Variants in SMYD3 observed in about 807,000 individuals in gnomAD.
SMYD3 encodes the protein SET and MYND domain containing 3.
A neutral mutation model predicts 57.7 loss-of-function variants in SMYD3; 36 were observed. That is an observed-to-expected ratio of 0.62 (90% CI 0.48 to 0.82). SMYD3 has a LOEUF of 0.82. Ranked by LOEUF, SMYD3 falls within the 40% of genes least tolerant of loss-of-function variation. The pLI is 0.00. For synonymous variants in SMYD3, 211 were observed against 195.0 expected (o/e 1.08, Z -0.68); for missense variants, 515 against 538.8 (o/e 0.96, Z 0.44).
chr1:246,231,594 C>A (rs1034794396), intron 5 of SMYD3, among the ~76,000 whole-genome samples: 1 of 152,134 alleles, frequency 6.6e-6, no homozygotes, highest in Non-Finnish European at 1.5e-5. Context: ...CTTTAAACTG[C>A]AAGGGAAATA....
At chr1:246,282,874 T>C (rs1160574969) in intron 5 of SMYD3, among the ~76,000 whole-genome samples, 1 of 152,214 alleles carries the variant, frequency 6.6e-6, no homozygotes, top group African/African-American at 2.4e-5. Flanking sequence ...TTGTTAATTA[T>C]CTAAAGTAAA....
At position 245,971,446 on chromosome 1, in the gene SMYD3, TAA is replaced by T. The variant is rs10714765; in HGVS notation, c.532-41511_532-41510del. 1.1e-3 allele frequency among the ~76,000 whole-genome samples: 161 copies of T among 151,894 alleles called. 1 individual carries two copies. Among genetic ancestry groups the T allele is most frequent in the African/African-American group, 3.7e-3 (152 of 41,396 alleles). ...CATATCCCAGAACTTAAAGTATAAT[TAA>T]AAAAAAAAATCAATGTGTCATTTGA... On this transcript the variant is annotated intron_variant, in intron 5 of 11. Transcript: ENST00000490107.
chr1:245,767,585 T>G (rs1374166316), intron 10 of SMYD3, among the ~76,000 whole-genome samples: 1 of 152,018 alleles, frequency 6.6e-6, no homozygotes, highest in African/African-American at 2.4e-5. Context: ...GTGTTTCCAC[T>G]GGAGATGATG....
At chr1:246,319,434 C>T (rs1359692745) in intron 5 of SMYD3, among the ~76,000 whole-genome samples, 2 of 152,156 alleles carry the variant, frequency 1.3e-5, no homozygotes, top group East Asian at 3.8e-4. Context: ...GGAACCCAGG[C>T]ACATCTGATC....
intron 5 of SMYD3, among the ~76,000 whole-genome samples, chr1:246,138,040 A>G (rs959757072): frequency 6.6e-6 from 1 of 152,188 alleles, no homozygotes; most frequent in Non-Finnish European, 1.5e-5. Context: ...TAAAAATGTA[A>G]AATACCTTTA....
intron 5 of SMYD3, among the ~76,000 whole-genome samples, chr1:246,002,044 T>TA (rs1366063645): frequency 6.6e-6 from 1 of 152,130 alleles, no homozygotes; most frequent in Non-Finnish European, 1.5e-5. Context: ...CTATCTTCCT[T>TA]ACGATTCTGT....
intron 5 of SMYD3, chr1:246,186,702 T>C: frequency 2.1e-6 from 2 of 967,086 alleles, no homozygotes; most frequent in Non-Finnish European, 2.5e-6. Flanking sequence ...ACTGTCAATG[T>C]CCACAGCACT....
chr1:246,366,460 A>C (rs2066103924), intron 1 of SMYD3, among the ~76,000 whole-genome samples: 1 of 152,176 alleles, frequency 6.6e-6, no homozygotes, highest in Non-Finnish European at 1.5e-5. Flanking sequence ...TCAGAGCAGC[A>C]GCCCCCTGGC....
rs1457801950 is a variant in SMYD3 at position 245,915,760 on chromosome 1, TAA to T, written c.703-122_703-121del. On this transcript the variant is annotated intron_variant, in intron 7 of 11. Transcript: ENST00000490107. ...TTGTTTTTATTATAAACCAAAAATATAAGAGAGAAGGTACTGCTTATAGTTTC... is the reference window on the plus strand; with the variant it reads ...TTGTTTTTATTATAAACCAAAAATATGAGAGAAGGTACTGCTTATAGTTTC... The T allele has an allele frequency of 1.2e-5, 7 of 599,146 alleles. No individual in the cohort carries two copies. In the East Asian group the frequency reaches 2.0e-4, roughly 17 times the overall value. 37.1% of individuals were successfully genotyped at this position (599,146 alleles called of 1,614,324 possible).
chr1:246,216,653 G>GA (rs1445636514), intron 5 of SMYD3, among the ~76,000 whole-genome samples: 2 of 151,654 alleles, frequency 1.3e-5, no homozygotes, highest in Admixed American at 1.3e-4. Context: ...CTGCATTATT[G>GA]AAAATATAAT....
At chr1:246,103,573 T>C (rs1241537040) in intron 5 of SMYD3, among the ~76,000 whole-genome samples, 1 of 152,174 alleles carries the variant, frequency 6.6e-6, no homozygotes, top group African/African-American at 2.4e-5. Context: ...CTGCTATAGT[T>C]GAGGTCGTTA....
At chr1:246,317,797 A>G (rs550101620) in intron 5 of SMYD3, among the ~76,000 whole-genome samples, 45 of 152,284 alleles carry the variant, frequency 3.0e-4, no homozygotes, top group Non-Finnish European at 5.0e-4. Context: ...CACAGAGACC[A>G]TAAGTAGCAC....
intron 8 of SMYD3, among the ~76,000 whole-genome samples, chr1:245,913,444 T>A (rs1247436377): frequency 6.6e-6 from 1 of 151,406 alleles, no homozygotes; most frequent in Admixed American, 6.6e-5. Context: ...CACACCAACA[T>A]GGCACATGTA....
intron 8 of SMYD3, among the ~76,000 whole-genome samples, chr1:245,898,355 A>C (rs530922051): frequency 6.6e-6 from 1 of 152,210 alleles, no homozygotes; most frequent in Non-Finnish European, 1.5e-5. Flanking sequence ...AAGCTACTTC[A>C]AAATCTTTTG....
intron 1 of SMYD3, among the ~76,000 whole-genome samples, chr1:246,435,971 C>T (rs543154012): frequency 6.6e-6 from 1 of 152,184 alleles, no homozygotes; most frequent in South Asian, 2.1e-4. Context: ...TCACGGGTTC[C>T]AGCACAGTAC....
At chr1:246,326,905 T>C (rs2065361872) in intron 5 of SMYD3, 2 of 410,690 alleles carry the variant, frequency 4.9e-6, no homozygotes, top group East Asian at 4.9e-5. Context: ...TAATGGGATA[T>C]GCTATTTTCT....
intron 5 of SMYD3, among the ~76,000 whole-genome samples, chr1:246,125,951 T>C (rs138779338): frequency 5.9e-4 from 89 of 151,872 alleles, no homozygotes; most frequent in Middle Eastern, 3.4e-3. Context: ...ACAACAAACT[T>C]TGAGGAATCT....
At chr1:246,107,193 A>G (rs949405349) in intron 5 of SMYD3, among the ~76,000 whole-genome samples, 3 of 151,150 alleles carry the variant, frequency 2.0e-5, no homozygotes, top group African/African-American at 4.9e-5. Flanking sequence ...AGGTTGAGGC[A>G]GGAGAATGGT....
chr1:245,964,476 A>C (rs1474945488), intron 5 of SMYD3, among the ~76,000 whole-genome samples: 1 of 152,256 alleles, frequency 6.6e-6, no homozygotes. Context: ...CAAAAAACAC[A>C]GTGTGAAAAG....
Sources: gnomAD v4.1 joint callset for allele counts (sites outside exome capture counted in the v4.1 genomes callset) on GRCh38, gnomAD v4.1.1 for gene constraint, MANE v1.5 for transcripts, NCBI Gene and HGNC (gene_info 2026-07-23, HGNC 2026-07-21) for gene names.